The following ADAMTS12 variants were observed in gnomAD, a reference collection of about 807,000 sequenced individuals.
ADAMTS12 encodes ADAM metallopeptidase with thrombospondin type 1 motif 12.
Under a neutral mutation model 167.8 loss-of-function variants are expected in ADAMTS12, and 118 were observed. That is an observed-to-expected ratio of 0.70 (90% CI 0.61 to 0.82). ADAMTS12 has a LOEUF of 0.82. ADAMTS12 is among the 40% of genes least tolerant of loss of function. The pLI, the probability that ADAMTS12 is intolerant of heterozygous loss-of-function variation, is 0.00. For synonymous variants in ADAMTS12, 704 were observed against 716.9 expected (o/e 0.98, Z 0.29); for missense variants, 1,916 against 1,998.8 (o/e 0.96, Z 0.79).
rs1215270018 is a variant in ADAMTS12 at position 33,525,446 on chromosome 5, A to C, written c.*1742T>G. 1 of 152,222 alleles carries C rather than the reference A, an allele frequency of 6.6e-6. No homozygotes were observed. The highest frequency in any genetic ancestry group is 6.5e-5 in the Admixed American group (1 of 15,282). The allele number at this position is 152,222 out of a possible 1,614,324, so 9.4% of individuals were successfully genotyped here. On this transcript the variant is annotated 3_prime_UTR_variant, in exon 24 of 24. Coordinates refer to ENST00000504830, the MANE Select transcript of ADAMTS12 (RefSeq NM_030955.4). ...ACGTTAATGGCTTGGAAAAAAATAA[A>C]AAGCACATAATATTAAATCTTAAAT...
intron 3 of ADAMTS12, among the ~76,000 whole-genome samples, chr5:33,725,235 C>T (rs1743940952): frequency 6.6e-6 from 1 of 152,178 alleles, no homozygotes; most frequent in Non-Finnish European, 1.5e-5. Flanking sequence ...TCTAAAGCCC[C>T]ACTACCTTCA....
intron 2 of ADAMTS12, among the ~76,000 whole-genome samples, chr5:33,855,925 C>T (rs999252896): frequency 6.6e-6 from 1 of 152,056 alleles, no homozygotes; most frequent in African/African-American, 2.4e-5. Context: ...AGCGATGATG[C>T]CTCACTACGT....
intron 2 of ADAMTS12, among the ~76,000 whole-genome samples, chr5:33,872,835 A>C (rs1349330572): frequency 6.6e-6 from 1 of 152,238 alleles, no homozygotes; most frequent in African/African-American, 2.4e-5. Context: ...TGACAGGCTA[A>C]AGAAAAAAAT....
chr5:33,755,480 C>A (rs1004939340), intron 2 of ADAMTS12, among the ~76,000 whole-genome samples: 2 of 152,198 alleles, frequency 1.3e-5, no homozygotes, highest in Non-Finnish European at 2.9e-5. Context: ...CCTCCCTCCC[C>A]TCAACTTGCA....
intron 17 of ADAMTS12, among the ~76,000 whole-genome samples, chr5:33,590,981 T>A (rs1747605454): frequency 6.6e-6 from 1 of 151,686 alleles, no homozygotes; most frequent in African/African-American, 2.4e-5. Context: ...GCTGCCCATC[T>A]CATTCTTTTG....
intron 2 of ADAMTS12, among the ~76,000 whole-genome samples, chr5:33,794,619 A>ATTCTAGTTACCGCC (rs1746703784): frequency 6.6e-6 from 1 of 152,006 alleles, no homozygotes; most frequent in African/African-American, 2.4e-5. Flanking sequence ...TAGGCACGGC[A>ATTCTAGTTACCGCC]CTTCTTCCTA....
intron 11 of ADAMTS12, among the ~76,000 whole-genome samples, chr5:33,639,955 G>A (rs1036609278): frequency 1.3e-5 from 2 of 152,308 alleles, no homozygotes; most frequent in East Asian, 1.9e-4. Flanking sequence ...ACCAAGAATT[G>A]TCCTTGTTAT....
At chr5:33,704,382 T>C (rs1743111114) in intron 3 of ADAMTS12, among the ~76,000 whole-genome samples, 1 of 152,224 alleles carries the variant, frequency 6.6e-6, no homozygotes, top group Non-Finnish European at 1.5e-5. Context: ...GATTGCTGGA[T>C]TAAATGGTAA....
At chr5:33,710,994 G>A (rs571637576) in intron 3 of ADAMTS12, among the ~76,000 whole-genome samples, 1 of 152,278 alleles carries the variant, frequency 6.6e-6, no homozygotes, top group Admixed American at 6.5e-5. Context: ...CATCTTGAGG[G>A]ATGGCAAAAA....
intron 19 of ADAMTS12, among the ~76,000 whole-genome samples, chr5:33,568,168 A>G (rs1431773728): frequency 6.6e-6 from 1 of 152,238 alleles, no homozygotes; most frequent in Non-Finnish European, 1.5e-5. Flanking sequence ...CATAAGACCC[A>G]TTCATCTCCT....
At chr5:33,663,514 T>C (rs1189185560) in intron 5 of ADAMTS12, among the ~76,000 whole-genome samples, 1 of 152,242 alleles carries the variant, frequency 6.6e-6, no homozygotes, top group African/African-American at 2.4e-5. Flanking sequence ...CAGATGCTTT[T>C]ACATACGCTG....
chr5:33,649,723 A>G (rs1408575210), intron 7 of ADAMTS12, 26 bp from the exon 8 acceptor site: 1 of 1,611,418 alleles, frequency 6.2e-7, no homozygotes, highest in Non-Finnish European at 8.5e-7. Flanking sequence ...CAAGCACAAG[A>G]AGAGCCAGCA....
intron 3 of ADAMTS12, among the ~76,000 whole-genome samples, chr5:33,746,616 C>G (rs942614216): frequency 2.6e-5 from 4 of 151,958 alleles, no homozygotes; most frequent in African/African-American, 9.7e-5. Context: ...AAAAATTAAG[C>G]AAAACAATTC....
Position 33,641,930 on chromosome 5 carries a change from G to C in ADAMTS12, c.1598C>G (p.Thr533Arg), listed in dbSNP as rs1462399774. 8.7e-6 allele frequency: 14 copies of C among 1,613,174 alleles called. No homozygotes were observed. Among genetic ancestry groups the C allele is most frequent in the Non-Finnish European group, 1.1e-5 (13 of 1,179,474 alleles). Residue 533 changes from threonine to arginine, a missense_variant, in exon 11 of 24, where the codon ACA becomes AGA. By Grantham distance (71) the Thr-to-Arg change is moderately conservative (BLOSUM62 -1). Coordinates refer to ENST00000504830, the MANE Select transcript of ADAMTS12 (RefSeq NM_030955.4). ...AATGCTCTCTGGTTTCTTCCCCACT[G>C]TGATGCACTTGCCTGCCATACACCA... ...KKWCMAGKCI[T>R]VGKKPESIPG...
chr5:33,597,232 A>C (rs1301371864), intron 16 of ADAMTS12, among the ~76,000 whole-genome samples: 1 of 152,206 alleles, frequency 6.6e-6, no homozygotes, highest in African/African-American at 2.4e-5. Flanking sequence ...TCATGGACTG[A>C]AGTGAAGGGG....
intron 2 of ADAMTS12, among the ~76,000 whole-genome samples, chr5:33,759,351 A>C (rs1745271688): frequency 6.6e-6 from 1 of 152,244 alleles, no homozygotes; most frequent in South Asian, 2.1e-4. Flanking sequence ...TTCTCTAGTA[A>C]AAGAAGCCAG....
intron 6 of ADAMTS12, 66 bp downstream of exon 6, chr5:33,661,850 T>C: frequency 6.2e-7 from 1 of 1,601,326 alleles, no homozygotes. Flanking sequence ...GAACACCTGG[T>C]AAGCCTTTCA....
rs148402963 is a variant in ADAMTS12 at position 33,595,521 on chromosome 5, C to G, written c.2654+413G>C. ...ATTGGGAAAACCTGCTCTCTGAGCC[C>G]CCTCTTCTGGACAGCCTGAAGTACA... On this transcript the variant is annotated intron_variant, in intron 17 of 23. Coordinates refer to ENST00000504830, the MANE Select transcript of ADAMTS12 (RefSeq NM_030955.4). 7.4e-3 allele frequency among the ~76,000 whole-genome samples: 1,120 copies of G among 152,272 alleles called. 10 individuals are homozygous for G. The highest frequency in any genetic ancestry group is 0.01 in the Admixed American group (154 of 15,294).
intron 5 of ADAMTS12, among the ~76,000 whole-genome samples, chr5:33,670,720 C>T (rs531546127): frequency 3.9e-5 from 6 of 152,146 alleles, no homozygotes; most frequent in Non-Finnish European, 7.3e-5. Flanking sequence ...CCAGCCTGAA[C>T]GGCAAAAGCG....
Sources: allele counts gnomAD v4.1 joint callset (sites outside exome capture counted in the v4.1 genomes callset), GRCh38; gene constraint gnomAD v4.1.1; transcripts MANE v1.5; gene names NCBI Gene and HGNC (gene_info 2026-07-23, HGNC 2026-07-21).